TRIB3: variants seen among roughly 807,000 people sequenced by gnomAD.
The protein encoded by TRIB3 is tribbles pseudokinase 3, also known as tribbles homolog 3.
TRIB3 carries 20 observed loss-of-function variants against 16.6 expected under a neutral mutation model. That is an observed-to-expected ratio of 1.20 (90% CI 0.85 to 1.75). The LOEUF is 1.75. Ranked by LOEUF, TRIB3 falls within the 40% of genes most tolerant of loss-of-function variation. TRIB3 has a pLI of 0.00. For synonymous variants in TRIB3, 208 were observed against 217.0 expected, an observed-to-expected ratio of 0.96 and a Z score of 0.36; for missense variants, 484 against 488.9, an observed-to-expected ratio of 0.99 and a Z score of 0.10.
At chr20:390,963 G>C (rs938203335) in intron 2 of TRIB3, among the ~76,000 whole-genome samples, 3 of 141,828 alleles carry the variant, frequency 2.1e-5, no homozygotes, top group Non-Finnish European at 4.5e-5. Context: ...GATTGCGCCA[G>C]TGTGCTCCAG....
At position 388,284 on chromosome 20, in the gene TRIB3, A is replaced by T; in HGVS notation, c.274A>T (p.Thr92Ser). The T allele has an allele frequency of 6.2e-7, 1 of 1,611,982 alleles. No individual in the cohort carries two copies. Among genetic ancestry groups the T allele is most frequent in the Non-Finnish European group, 8.5e-7 (1 of 1,179,362 alleles). The change falls in exon 2 of 4, where the codon ACT becomes TCT. Residue 92 changes from threonine (T) to serine (S), a missense_variant. Transcript: ENST00000217233. ...CCAGGCCCTGCACTGCCCTACAGGC[A>T]CTGAGTATACCTGCAAGGTACGTGC... ...AYQALHCPTG[T>S]EYTCKVYPVQ...
intron 1 of TRIB3, among the ~76,000 whole-genome samples, chr20:386,321 G>A (rs945014594): frequency 6.6e-6 from 1 of 152,178 alleles, no homozygotes; most frequent in African/African-American, 2.4e-5. Context: ...CATGGATTAT[G>A]AGATTAGTTG....
intron 1 of TRIB3, among the ~76,000 whole-genome samples, 165 bp from the exon 2 acceptor site, chr20:387,846 T>G (rs1600249763): frequency 6.6e-6 from 1 of 152,300 alleles, no homozygotes; most frequent in Non-Finnish European, 1.5e-5. Flanking sequence ...GGAAGATAAA[T>G]TCCCAGAAGT....
In TRIB3 at chr20:388,129, A is replaced by G. The variant is rs568161318; in HGVS notation, c.119A>G (p.Gln40Arg). 3 of 1,614,068 alleles carry G rather than the reference A, an allele frequency of 1.9e-6. No homozygotes were observed. The highest frequency in any genetic ancestry group is 3.3e-5 in the Admixed American group (2 of 60,024). ...PVQKRARSGP[Q>R]PRLPPCLLPL... ...CAGAAACGAGCTCGAAGTGGGCCCC[A>G]GCCCAGACTGCCCCCCTGCCTGTTG... The change falls in exon 2 of 4, where the codon CAG (glutamine) becomes CGG (arginine). Residue 40 changes from glutamine (Q) to arginine (R), a missense_variant. Gln to Arg is a conservative substitution (Grantham distance 43). Transcript: ENST00000217233.
At chr20:384,523 C>T (rs141010540) in intron 1 of TRIB3, among the ~76,000 whole-genome samples, 48 of 152,172 alleles carry the variant, frequency 3.2e-4, no homozygotes, top group African/African-American at 8.9e-4. Flanking sequence ...ACCACCATGC[C>T]CACCTAATTT....
intron 2 of TRIB3, 47 bp from the exon 3 acceptor site, chr20:391,240 A>G: frequency 1.9e-6 from 3 of 1,578,016 alleles, no homozygotes; most frequent in Non-Finnish European, 2.6e-6. Context: ...TGCCAGCCTC[A>G]GCTCCCGGGA....
chr20:395,657 G>A (rs1055464545), intron 3 of TRIB3, among the ~76,000 whole-genome samples: 1 of 152,122 alleles, frequency 6.6e-6, no homozygotes, highest in African/African-American at 2.4e-5. Flanking sequence ...GCCAGCCAGC[G>A]TTCCCATCCC....
intron 3 of TRIB3, among the ~76,000 whole-genome samples, chr20:394,032 CTTT>C (rs745870371): frequency 6.5e-5 from 8 of 123,638 alleles, no homozygotes; most frequent in Non-Finnish European, 1.0e-4. Context: ...TTCTTTCTTT[CTTT>C]TTTTTTTTTT....
At position 381,012 on chromosome 20, in the gene TRIB3, G is replaced by A. The variant is rs977301787; in HGVS notation, c.-158G>A. 1.4e-5 allele frequency: 2 copies of A among 145,808 alleles called. No homozygotes were observed. The highest frequency in any genetic ancestry group is 4.9e-5 in the African/African-American group (2 of 40,782). The allele number at this position is 145,808 out of a possible 1,614,324, so 9.0% of individuals were successfully genotyped here. ...GCACGAGACTCGCAGCGGAAGTGGA[G>A]GCGGCTCCGCGCGCGTCCGCTGCTA... is the stretch of plus-strand genomic sequence containing the variant. On this transcript the variant is annotated 5_prime_UTR_variant, in exon 1 of 4. Transcript: ENST00000217233.
At position 380,866 on chromosome 20, in the gene TRIB3, T is replaced by C. The variant is rs1445476306; in HGVS notation, c.-304T>C. 7.3e-5 allele frequency: 7 copies of C among 96,342 alleles called. No homozygotes were observed. The highest frequency in any genetic ancestry group is 1.8e-4 in the Non-Finnish European group (7 of 38,546). The allele number at this position is 96,342 out of a possible 1,614,324, so 6.0% of individuals were successfully genotyped here. On this transcript the variant is annotated 5_prime_UTR_variant, in exon 1 of 4. Transcript: ENST00000217233. ...TGGTGCGATCCCGGGCCCGAGGGCA[T>C]CAGACGGCGGCTGATTAGCTCCGGT...
chr20:387,976 G>A, intron 1 of TRIB3, 35 bp from the exon 2 acceptor site: 3 of 1,591,766 alleles, frequency 1.9e-6, no homozygotes, highest in Non-Finnish European at 2.6e-6. Context: ...CCACCAAGCA[G>A]TCTCACTTTA....
At chr20:387,942 C>G (rs545742469) in intron 1 of TRIB3, 69 bp from the exon 2 acceptor site, 1 of 1,544,364 alleles carries the variant, frequency 6.5e-7, no homozygotes, top group Non-Finnish European at 8.8e-7. Flanking sequence ...CACGTATCCT[C>G]CCACCAGCAG....
intron 1 of TRIB3, among the ~76,000 whole-genome samples, chr20:383,797 C>A (rs919235487): frequency 1.3e-5 from 2 of 152,128 alleles, no homozygotes; most frequent in African/African-American, 4.8e-5. Context: ...CTTTTATCCT[C>A]CCACTAGCAC....
In TRIB3 at chr20:388,114, C is replaced by T; in HGVS notation, c.104C>T (p.Ala35Val). 7 of 1,614,146 alleles carry T rather than the reference C, an allele frequency of 4.3e-6. No individual in the cohort carries two copies. The highest frequency in any genetic ancestry group is 5.9e-6 in the Non-Finnish European group (7 of 1,180,036). Reference sequence around the variant, plus strand: ...ACCGAGCGTCCCGTCCAGAAACGAGCTCGAAGTGGGCCCCAGCCCAGACTG... The same window carrying T: ...ACCGAGCGTCCCGTCCAGAAACGAGTTCGAAGTGGGCCCCAGCCCAGACTG... ...LDTERPVQKR[A>V]RSGPQPRLPP... The change falls in exon 2 of 4, where the codon GCT becomes GTT. Residue 35 changes from alanine (A) to valine (V), a missense_variant. Coordinates refer to ENST00000217233, the MANE Select transcript of TRIB3 (RefSeq NM_021158.5).
At chr20:384,444 A>G (rs1455492722) in intron 1 of TRIB3, among the ~76,000 whole-genome samples, 1 of 151,848 alleles carries the variant, frequency 6.6e-6, no homozygotes, top group African/African-American at 2.4e-5. Context: ...GCTCACTACA[A>G]CCTCTGCCTC....
In TRIB3 at chr20:388,139, G is replaced by GC. The variant is rs745734359; in HGVS notation, c.135dup (p.Cys46LeufsTer48). ...CTCGAAGTGGGCCCCAGCCCAGACT[G>GC]CCCCCCTGCCTGTTGCCCCTGAGCC... is the stretch of plus-strand genomic sequence containing the variant. On this transcript the variant is annotated frameshift_variant, in exon 2 of 4. Transcript: ENST00000217233. LOFTEE classifies it high-confidence loss of function. The GC allele has an allele frequency of 2.8e-5, 45 of 1,613,904 alleles. No homozygotes were observed. Among genetic ancestry groups the GC allele is most frequent in the Non-Finnish European group, 3.3e-5 (39 of 1,180,016 alleles).
At chr20:395,459 C>G (rs1385774881) in intron 3 of TRIB3, among the ~76,000 whole-genome samples, 3 of 151,122 alleles carry the variant, frequency 2.0e-5, no homozygotes, top group Non-Finnish European at 4.4e-5. Flanking sequence ...CCGCGCCCAG[C>G]CTTACACACT....
In TRIB3 at chr20:397,261, C is replaced by T. The variant is rs1396235655; in HGVS notation, c.*571C>T. On this transcript the variant is annotated 3_prime_UTR_variant, in exon 4 of 4. Transcript: ENST00000217233. The stretch of plus-strand genomic sequence containing the variant: ...CCTCTTGATTAAGAGATTCTCCTTC[C>T]AGGCCTAAGCCTGGGATTTGGGCCA... 3 of 153,304 alleles carry T rather than the reference C, an allele frequency of 2.0e-5. No individual in the cohort carries two copies. Among genetic ancestry groups the T allele is most frequent in the African/African-American group, 7.2e-5 (3 of 41,462 alleles). 9.5% of individuals were successfully genotyped at this position (153,304 alleles called of 1,614,324 possible). A position where few individuals can be genotyped will look rare whatever the true frequency, so the allele number is the denominator to read the frequency against.
At chr20:387,985 T>C (rs1223259243) in intron 1 of TRIB3, 26 bp from the exon 2 acceptor site, 4 of 1,602,008 alleles carry the variant, frequency 2.5e-6, no homozygotes, top group Middle Eastern at 1.7e-4. Context: ...AGTCTCACTT[T>C]AGTGCTTTTC....
Sources: allele counts gnomAD v4.1 joint callset (sites outside exome capture counted in the v4.1 genomes callset), GRCh38; gene constraint gnomAD v4.1.1; transcripts MANE v1.5; gene names NCBI Gene and HGNC (gene_info 2026-07-23, HGNC 2026-07-21).